CDC42BPG: variants seen among roughly 807,000 people sequenced by gnomAD.
CDC42BPG encodes the protein CDC42 binding protein kinase gamma.
CDC42BPG carries 157 observed loss-of-function variants against 192.2 expected under a neutral mutation model. That is an observed-to-expected ratio of 0.82 (90% CI 0.72 to 0.93). The LOEUF is 0.93. CDC42BPG is among the 40% of genes least tolerant of loss of function. CDC42BPG has a pLI of 0.00. For missense variants in CDC42BPG, 1,992 were observed against 2,122.1 expected, an observed-to-expected ratio of 0.94 and a Z score of 1.20; for synonymous variants, 981 against 918.5, an observed-to-expected ratio of 1.07 and a Z score of -1.23.
intron 36 of CDC42BPG, among the ~76,000 whole-genome samples, chr11:64,824,742 CTTT>C (rs1239455357): frequency 6.7e-6 from 1 of 148,566 alleles, no homozygotes; most frequent in Non-Finnish European, 1.5e-5. Flanking sequence ...ACTCAAAGTC[CTTT>C]TTTTTTTCTT....
Position 64,835,842 on chromosome 11 carries a change from G to A in CDC42BPG, c.1678C>T (p.Gln560Ter). 1 of 1,611,166 alleles carries A rather than the reference G, an allele frequency of 6.2e-7. No homozygotes were observed. Among genetic ancestry groups the A allele is most frequent in the African/African-American group, 1.3e-5 (1 of 75,020 alleles). Residue 560 changes from glutamine to a stop codon, truncating the protein, a stop_gained, in exon 14 of 37, where the codon CAG (glutamine) becomes TAG (stop). Transcript: ENST00000342711. LOFTEE classifies it high-confidence loss of function. The stretch of plus-strand genomic sequence containing the variant: ...ACCTGCCGGCTCAGGGAGGACACCT[G>A]GGCCTCCAGCTGTGAGGGGTGCAGA... ...ARAAQRELEA[Q>*]VSSLSRQVTQ...
chr11:64,844,509 C>T lies in CDC42BPG; in HGVS notation c.61G>A (p.Gly21Arg). ...AGCAGATCTAGGAGGCCGTCGAGCCCCGGGCAGCCGCCGGCCTCGCCCCGC... is the reference window on the plus strand; with the variant it reads ...AGCAGATCTAGGAGGCCGTCGAGCCTCGGGCAGCCGCCGGCCTCGCCCCGC... ...LARGEAGGCP[G>R]LDGLLDLLLA... Residue 21 changes from glycine to arginine, a missense_variant, in exon 1 of 37, where the codon GGG (glycine) becomes AGG (arginine). Gly to Arg is a moderately radical substitution (Grantham distance 125). Coordinates refer to ENST00000342711, the MANE Select transcript of CDC42BPG (RefSeq NM_017525.3). 1.5e-6 allele frequency: 2 copies of T among 1,344,870 alleles called. No homozygotes were observed. The highest frequency in any genetic ancestry group is 1.9e-6 in the Non-Finnish European group (2 of 1,048,246). 83.3% of individuals were successfully genotyped at this position (1,344,870 alleles called of 1,614,324 possible). A position where few individuals can be genotyped will look rare whatever the true frequency, so the allele number is the denominator to read the frequency against.
In CDC42BPG at chr11:64,834,520, G is replaced by T. The variant is rs1195766534; in HGVS notation, c.2233C>A (p.Leu745Met). 6.3e-7 allele frequency: 1 copy of T among 1,582,260 alleles called. No individual in the cohort carries two copies. The highest frequency in any genetic ancestry group is 8.6e-7 in the Non-Finnish European group (1 of 1,162,718). The change falls in exon 19 of 37, where the codon CTG (leucine) becomes ATG (methionine). Residue 745 changes from leucine to methionine, a missense_variant. Physicochemically the swap from Leu to Met is conservative, Grantham distance 15 (BLOSUM62 2). Transcript: ENST00000342711. The part of the protein sequence containing the change: ...QKMEASARLE[L>M]QSALEAEIRA... The stretch of plus-strand genomic sequence containing the variant: ...ATCTCGGCCTCCAGCGCTGACTGCA[G>T]CTCCAGCCTGGCCGAGGCCTCCATC...
chr11:64,832,619 T>C lies in CDC42BPG; in HGVS notation c.2990A>G (p.Gln997Arg), dbSNP rs757614831. ...RLSPPSGALLQVLDLRDPQFS... is the reference protein window; with the variant it reads ...RLSPPSGALLRVLDLRDPQFS... ...CGGCACCTACCTCAGATCTAGGACC[T>C]GCAGGAGGGCCCCACTGGGCGGGCT... is the stretch of plus-strand genomic sequence containing the variant. The change falls in exon 26 of 37, where the codon CAG becomes CGG. Residue 997 changes from glutamine (Q) to arginine (R), a missense_variant. Physicochemically the swap from Gln to Arg is conservative, Grantham distance 43 (BLOSUM62 1). Around this residue, in one of 2 missense-constraint regions of CDC42BPG, gnomAD observed 1,656 missense variants for 1,844.3 expected, o/e 0.90. Transcript: ENST00000342711. 5.0e-6 allele frequency: 8 copies of C among 1,613,888 alleles called. No individual in the cohort carries two copies. The East Asian group carries it at 1.3e-4, about 27-fold the overall frequency.
rs749921349 is a variant in CDC42BPG, at chr11:64,838,805, C to G, written c.974G>C (p.Arg325Pro). 6.2e-7 allele frequency: 1 copy of G among 1,612,810 alleles called. No homozygotes were observed. The highest frequency in any genetic ancestry group is 8.5e-7 in the Non-Finnish European group (1 of 1,180,022). The change falls in exon 8 of 37, where the codon CGT (arginine) becomes CCT (proline). Residue 325 changes from arginine (R) to proline (P), a missense_variant. Arg to Pro is a moderately radical substitution (Grantham distance 103). Around this residue, in one of 2 missense-constraint regions of CDC42BPG, gnomAD observed 1,656 missense variants for 1,844.3 expected, o/e 0.90. Transcript: ENST00000342711. ...LLCRQEERLG[R>P]GGLDDFRNHP... is the part of the protein sequence containing the mutation. ...GTTCCGGAAGTCATCCAGCCCACCACGGCCTAGCCGCTCTTCCTGGCGACA... is the reference window on the plus strand; with the variant it reads ...GTTCCGGAAGTCATCCAGCCCACCAGGGCCTAGCCGCTCTTCCTGGCGACA...
intron 34 of CDC42BPG, 58 bp downstream of exon 34, chr11:64,826,992 G>C: frequency 7.6e-7 from 1 of 1,309,382 alleles, no homozygotes; most frequent in African/African-American, 1.5e-5. Flanking sequence ...TCACCACAGA[G>C]GCCGGTTATT....
At chr11:64,838,222 C>T in intron 8 of CDC42BPG, 60 bp from the exon 9 acceptor site, 1 of 1,366,726 alleles carries the variant, frequency 7.3e-7, no homozygotes, top group Non-Finnish European at 1.0e-6. Context: ...GGCCCAAGGC[C>T]CAGGAGCCCC....
Position 64,823,063 on chromosome 11 carries a change from T to C in CDC42BPG, c.*1410A>G, listed in dbSNP as rs1942306548. ...CAAGGAGGCCAGCAGCTTACAAAGC[T>C]GTCTTTATTGGTTTCCTTTTCTTTT... On this transcript the variant is annotated 3_prime_UTR_variant, in exon 37 of 37. Coordinates refer to ENST00000342711, the MANE Select transcript of CDC42BPG (RefSeq NM_017525.3). Among the ~76,000 whole-genome samples, 1 of 151,118 alleles carries C rather than the reference T, an allele frequency of 6.6e-6. No homozygotes were observed. Among genetic ancestry groups the C allele is most frequent in the South Asian group, 2.1e-4 (1 of 4,784 alleles).
At chr11:64,832,214 A>C (rs995065788) in intron 27 of CDC42BPG, among the ~76,000 whole-genome samples, 11 of 152,342 alleles carry the variant, frequency 7.2e-5, no homozygotes, top group Admixed American at 7.2e-4. Context: ...TTGGGGCCTC[A>C]AGGGCTAGGT....
Position 64,832,746 on chromosome 11 carries a change from G to C in CDC42BPG, c.2866-3C>G, listed in dbSNP as rs1013290689. The C allele has an allele frequency of 6.2e-7, 1 of 1,603,170 alleles. No homozygotes were observed. Among genetic ancestry groups the C allele is most frequent in the Non-Finnish European group, 8.5e-7 (1 of 1,174,934 alleles). On this transcript the variant is annotated splice_region_variant and splice_polypyrimidine_tract_variant and intron_variant, in intron 25 of 36. Transcript: ENST00000342711. The stretch of plus-strand genomic sequence containing the variant: ...CGGACACCTGAGGGCCGCGGCACCT[G>C]GCGGAAAGGCAAGCATGGGAGGGCT...
At chr11:64,830,977 G>A (rs897757588) in intron 28 of CDC42BPG, among the ~76,000 whole-genome samples, 18 of 152,210 alleles carry the variant, frequency 1.2e-4, no homozygotes, top group African/African-American at 3.6e-4. Context: ...CAGCACTTTG[G>A]GAGGCCAAGG....
At chr11:64,835,020 C>T in intron 17 of CDC42BPG, 27 bp downstream of exon 17, 1 of 1,581,578 alleles carries the variant, frequency 6.3e-7, no homozygotes, top group Non-Finnish European at 8.6e-7. Context: ...CCTGCGTTCC[C>T]CACCCCGACC....
rs1261549764 is a variant in CDC42BPG at position 64,841,767 on chromosome 11, C to G, written c.253-34G>C. On this transcript the variant is annotated intron_variant, in intron 2 of 36. Coordinates refer to ENST00000342711, the MANE Select transcript of CDC42BPG (RefSeq NM_017525.3). ...ACAGGGAGGACCGGGGTGAGCCCAG[C>G]CCGGTGTGAACACCTCCCCCCACCT... The G allele has an allele frequency of 3.1e-6, 5 of 1,613,072 alleles. No individual in the cohort carries two copies. In the African/African-American group the frequency reaches 6.7e-5, roughly 22 times the overall value.
chr11:64,836,895 C>T, intron 10 of CDC42BPG, 27 bp downstream of exon 10: 1 of 1,611,144 alleles, frequency 6.2e-7, no homozygotes, highest in South Asian at 1.1e-5. Flanking sequence ...CCAGCACACC[C>T]AGGCCCGGCC....
intron 23 of CDC42BPG, 54 bp from the exon 24 acceptor site, chr11:64,833,390 C>G: frequency 9.3e-7 from 1 of 1,072,084 alleles, no homozygotes; most frequent in Non-Finnish European, 1.3e-6. Context: ...ATGCCCCATC[C>G]CTGAGGGGTC....
rs200477831 is a variant in CDC42BPG at position 64,837,709 on chromosome 11, G to A, written c.1205+374C>T. On this transcript the variant is annotated intron_variant, in intron 9 of 36. Coordinates refer to ENST00000342711, the MANE Select transcript of CDC42BPG (RefSeq NM_017525.3). ...ACTCCTGACCTCAGGCGATCCACCCGCCTCGACCTCCCTAAGTGCTGGGAT... is the reference window on the plus strand; with the variant it reads ...ACTCCTGACCTCAGGCGATCCACCCACCTCGACCTCCCTAAGTGCTGGGAT... Among the ~76,000 whole-genome samples the A allele has an allele frequency of 1.8e-4, 27 of 152,280 alleles. No individual in the cohort carries two copies. The East Asian group carries it at 2.1e-3, about 12-fold the overall frequency.
In CDC42BPG at chr11:64,830,032, G is replaced by A; in HGVS notation, c.3406C>T (p.Leu1136=). 6.2e-7 allele frequency: 1 copy of A among 1,612,512 alleles called. No homozygotes were observed. The highest frequency in any genetic ancestry group is 2.2e-5 in the East Asian group (1 of 44,874). ...QVGECRRVQQ[L]TLSPSAGLLV... is the part of the protein sequence containing the mutation. Reference sequence around the variant, plus strand: ...AGGCCTGCACTGGGGCTCAAGGTCAGCTGCTGCACGCGCCGGCACTCCCCC... The same window carrying A: ...AGGCCTGCACTGGGGCTCAAGGTCAACTGCTGCACGCGCCGGCACTCCCCC... The change falls in exon 30 of 37, where the codon CTG becomes TTG. Residue 1136 remains leucine (L), a synonymous_variant. Coordinates refer to ENST00000342711, the MANE Select transcript of CDC42BPG (RefSeq NM_017525.3).
Position 64,834,393 on chromosome 11 carries a change from C to T in CDC42BPG, c.2324+36G>A, listed in dbSNP as rs888608696. Reference sequence around the variant, plus strand: ...CAAGGGCTCGCCACTGGCCTCTGTGCGGGCCCTGGCCCCCAGTGCCTGCCC... The same window carrying T: ...CAAGGGCTCGCCACTGGCCTCTGTGTGGGCCCTGGCCCCCAGTGCCTGCCC... On this transcript the variant is annotated intron_variant, in intron 19 of 36. Coordinates refer to ENST00000342711, the MANE Select transcript of CDC42BPG (RefSeq NM_017525.3). 30 of 1,557,554 alleles carry T rather than the reference C, an allele frequency of 1.9e-5. No homozygotes were observed. In the Admixed American group the frequency reaches 2.9e-4, roughly 15 times the overall value.
intron 17 of CDC42BPG, 30 bp downstream of exon 17, chr11:64,835,017 T>TGGCCCCCCCCCCCC: frequency 3.2e-6 from 5 of 1,571,952 alleles, no homozygotes; most frequent in African/African-American, 1.3e-5. Flanking sequence ...TCGCCTGCGT[T>TGGCCCCCCCCCCCC]CCCCACCCCG....
Sources: allele counts gnomAD v4.1 joint callset (sites outside exome capture counted in the v4.1 genomes callset), GRCh38; gene constraint gnomAD v4.1.1; regional missense constraint gnomAD v4.1.1; transcripts MANE v1.5; gene names NCBI Gene and HGNC (gene_info 2026-07-23, HGNC 2026-07-21).